The following SEMA3D variants were observed in gnomAD, a reference collection of about 807,000 sequenced individuals.
SEMA3D encodes the protein semaphorin-3D.
SEMA3D carries 84 observed loss-of-function variants against 100.1 expected under a neutral mutation model. The observed-to-expected ratio is 0.84, with a 90% CI of 0.70 to 1.01. SEMA3D has a LOEUF of 1.01. Among genes scored for constraint, SEMA3D ranks in the 50% least tolerant of loss-of-function variants. The probability of loss-of-function intolerance (pLI) is 0.00; values close to 1 mark genes in which losing one functional copy is unlikely to be tolerated. For synonymous variants in SEMA3D, 312 were observed against 320.7 expected, an observed-to-expected ratio of 0.97 and a Z score of 0.29; for missense variants, 875 against 934.1, an observed-to-expected ratio of 0.94 and a Z score of 0.82.
chr7:85,207,801 G>T, the SEMA3D span, among the ~76,000 whole-genome samples: 1 of 151,956 alleles, frequency 6.6e-6, no homozygotes, highest in South Asian at 2.1e-4. Context: ...TCTGTGGATT[G>T]CTTCAATGAA....
At position 85,142,927 on chromosome 7, in the gene SEMA3D, C is replaced by G. The variant is rs115353191; in HGVS notation, c.-41+10681G>C. 2.3e-3 allele frequency: 2,290 copies of G among 985,254 alleles called. 42 individuals are homozygous for G. In the African/African-American group the frequency reaches 0.035, roughly 15 times the overall value. 61.0% of individuals were successfully genotyped at this position (985,254 alleles called of 1,614,324 possible). ...AGACTTTCTCTGGGAATCCCAAATG[C>G]TGAGACAATGCCATCTTAGTTAGGA... On this transcript the variant is annotated intron_variant, in intron 2 of 18. Transcript: ENST00000284136.
the SEMA3D span, among the ~76,000 whole-genome samples, chr7:85,207,895 T>G: frequency 3.8e-3 from 573 of 152,152 alleles, 5 homozygotes; most frequent in African/African-American, 0.013. Flanking sequence ...AAAAAAATCA[T>G]TTAATACATT....
intron 1 of SEMA3D, among the ~76,000 whole-genome samples, chr7:85,158,760 T>C (rs2159574): frequency 0.65 from 98,889 of 151,988 alleles, 32,976 homozygotes; most frequent in East Asian, 0.9. Flanking sequence ...ATGTCTCCTC[T>C]GGACACTCAG....
At chr7:85,239,114 C>T in the SEMA3D span, among the ~76,000 whole-genome samples, 1 of 152,136 alleles carries the variant, frequency 6.6e-6, no homozygotes, top group Non-Finnish European at 1.5e-5. Context: ...CAGTGCTTCT[C>T]AAATGTTAAA....
At chr7:85,041,943 T>C (rs1286069833) in intron 10 of SEMA3D, 2 of 481,646 alleles carry the variant, frequency 4.2e-6, no homozygotes, top group African/African-American at 3.9e-5. Flanking sequence ...TTTTGTTTCC[T>C]TCACTTACTT....
At chr7:85,220,788 A>G in the SEMA3D span, among the ~76,000 whole-genome samples, 1 of 152,126 alleles carries the variant, frequency 6.6e-6, no homozygotes, top group African/African-American at 2.4e-5. Context: ...GAAGGAAAGG[A>G]GCTCTCATTG....
At chr7:85,202,957 G>C in the SEMA3D span, among the ~76,000 whole-genome samples, 5 of 152,188 alleles carry the variant, frequency 3.3e-5, no homozygotes, top group Non-Finnish European at 5.9e-5. Flanking sequence ...GTAAGAGAGG[G>C]TGAGGTCTAA....
At chr7:85,053,026 T>C (rs1791210041) in intron 9 of SEMA3D, among the ~76,000 whole-genome samples, 1 of 151,974 alleles carries the variant, frequency 6.6e-6, no homozygotes, top group Non-Finnish European at 1.5e-5. Context: ...CAATTGTTTT[T>C]CAGTTAGTAG....
At chr7:85,062,019 T>C (rs939556372) in intron 8 of SEMA3D, among the ~76,000 whole-genome samples, 2 of 152,106 alleles carry the variant, frequency 1.3e-5, no homozygotes, top group Non-Finnish European at 2.9e-5. Flanking sequence ...CAGTTTGTAG[T>C]GAGGCTGCAA....
Position 84,997,057 on chromosome 7 carries a change from C to T in SEMA3D, c.*2383G>A, listed in dbSNP as rs1789521697. On this transcript the variant is annotated 3_prime_UTR_variant, in exon 19 of 19. Transcript: ENST00000284136. ...TAATAATATTTTTAATATATTTTAA[C>T]TAATTATCATAAATCAAGAGTATTG... 1 of 151,528 alleles carries T rather than the reference C, an allele frequency of 6.6e-6. No individual in the cohort carries two copies. Among genetic ancestry groups the T allele is most frequent in the African/African-American group, 2.4e-5 (1 of 41,332 alleles). The allele number at this position is 151,528 out of a possible 1,614,324, so 9.4% of individuals were successfully genotyped here. A position where few individuals can be genotyped will look rare whatever the true frequency, so the allele number is the denominator to read the frequency against.
intron 8 of SEMA3D, among the ~76,000 whole-genome samples, chr7:85,059,409 C>T (rs990297917): frequency 3.9e-5 from 6 of 152,022 alleles, no homozygotes; most frequent in African/African-American, 1.4e-4. Flanking sequence ...GATTGGATTT[C>T]CTTATCTTCA....
chr7:85,091,860 T>C (rs1368129321), intron 4 of SEMA3D, among the ~76,000 whole-genome samples: 2 of 152,082 alleles, frequency 1.3e-5, no homozygotes, highest in African/African-American at 4.8e-5. Flanking sequence ...AGTTCTTCTT[T>C]TATATACTTT....
At chr7:85,246,606 T>C in the SEMA3D span, among the ~76,000 whole-genome samples, 28 of 152,122 alleles carry the variant, frequency 1.8e-4, no homozygotes, top group Non-Finnish European at 2.9e-4. Flanking sequence ...TTCTACTAGT[T>C]TGTGTAAATT....
chr7:85,205,171 G>T, the SEMA3D span, among the ~76,000 whole-genome samples: 44 of 151,820 alleles, frequency 2.9e-4, no homozygotes, highest in Admixed American at 2.8e-3. Flanking sequence ...TGAGTTCCTT[G>T]TATACACTAA....
At chr7:85,078,628 C>T (rs1318428734) in intron 5 of SEMA3D, among the ~76,000 whole-genome samples, 1 of 152,194 alleles carries the variant, frequency 6.6e-6, no homozygotes, top group Non-Finnish European at 1.5e-5. Flanking sequence ...TTTCTGTCAT[C>T]TCTACCCTTC....
intron 18 of SEMA3D, among the ~76,000 whole-genome samples, chr7:85,003,516 G>A (rs1308532625): frequency 6.6e-6 from 1 of 151,916 alleles, no homozygotes; most frequent in African/African-American, 2.4e-5. Context: ...ATATCACAGA[G>A]CCATAAATCA....
chr7:85,084,166 G>T (rs1788150536), intron 4 of SEMA3D, among the ~76,000 whole-genome samples: 1 of 151,872 alleles, frequency 6.6e-6, no homozygotes, highest in African/African-American at 2.4e-5. Context: ...AAAAAAAATT[G>T]CATCTTGAAT....
the SEMA3D span, among the ~76,000 whole-genome samples, chr7:85,239,531 A>G: frequency 6.6e-6 from 1 of 152,310 alleles, no homozygotes; most frequent in Non-Finnish European, 1.5e-5. Context: ...AGCAGCACAA[A>G]TTAACTGACA....
intron 2 of SEMA3D, chr7:85,140,596 T>A (rs1790018465): frequency 1.1e-5 from 10 of 924,228 alleles, no homozygotes; most frequent in South Asian, 1.0e-4. Flanking sequence ...TATCTATATA[T>A]CTCTATATAT....
Sources: allele counts gnomAD v4.1 joint callset (sites outside exome capture counted in the v4.1 genomes callset), GRCh38; gene constraint gnomAD v4.1.1; transcripts MANE v1.5; gene names NCBI Gene and HGNC (gene_info 2026-07-23, HGNC 2026-07-21).